The following CDYL2 variants were observed in gnomAD, a reference collection of about 807,000 sequenced individuals.
CDYL2 encodes the protein chromodomain Y-like protein 2.
CDYL2 carries 23 observed loss-of-function variants against 49.4 expected under a neutral mutation model. The observed-to-expected ratio is 0.47, with a 90% confidence interval of 0.34 to 0.66. CDYL2 has a LOEUF of 0.66. Ranked by LOEUF, CDYL2 falls within the 30% of genes least tolerant of loss-of-function variation. The pLI, the probability that CDYL2 is intolerant of heterozygous loss-of-function variation, is 0.01. For missense variants in CDYL2, 678 were observed against 656.4 expected (o/e 1.03, Z -0.36); for synonymous variants, 360 against 268.8 (o/e 1.34, Z -3.32).
chr16:80,637,779 G>A (rs113572897), intron 2 of CDYL2, among the ~76,000 whole-genome samples: 2 of 152,088 alleles, frequency 1.3e-5, no homozygotes, highest in Admixed American at 6.5e-5. Context: ...ACAAACACAA[G>A]ACAAATGTTT....
intron 1 of CDYL2, among the ~76,000 whole-genome samples, chr16:80,792,649 A>G (rs544944813): frequency 6.6e-6 from 1 of 152,272 alleles, no homozygotes; most frequent in African/African-American, 2.4e-5. Flanking sequence ...ACCTACCAGT[A>G]AAGGGCAAGA....
chr16:80,718,619 A>G (rs768105779), intron 1 of CDYL2, among the ~76,000 whole-genome samples: 2 of 152,236 alleles, frequency 1.3e-5, no homozygotes, highest in Admixed American at 6.5e-5. Flanking sequence ...ATTGGCCACT[A>G]TGGAAAAAGA....
intron 1 of CDYL2, among the ~76,000 whole-genome samples, chr16:80,730,630 C>T (rs1164995419): frequency 6.6e-6 from 1 of 152,066 alleles, no homozygotes; most frequent in East Asian, 1.9e-4. Flanking sequence ...GATACCAAAG[C>T]CGGGCAGAGA....
intron 1 of CDYL2, among the ~76,000 whole-genome samples, chr16:80,794,125 T>C (rs1318584872): frequency 6.6e-6 from 1 of 152,204 alleles, no homozygotes; most frequent in Non-Finnish European, 1.5e-5. Context: ...TTGTCCCCAT[T>C]CCTTCTCTCA....
At chr16:80,751,208 A>G (rs1906125074) in intron 1 of CDYL2, among the ~76,000 whole-genome samples, 4 of 152,192 alleles carry the variant, frequency 2.6e-5, no homozygotes, top group Non-Finnish European at 4.4e-5. Context: ...GCCAAAACTG[A>G]GCAACTTTTA....
intron 1 of CDYL2, among the ~76,000 whole-genome samples, chr16:80,693,165 G>C (rs1910485397): frequency 6.6e-6 from 1 of 152,044 alleles, no homozygotes; most frequent in Non-Finnish European, 1.5e-5. Flanking sequence ...GATTGCAAAG[G>C]CCATAAGGAA....
intron 1 of CDYL2, among the ~76,000 whole-genome samples, chr16:80,702,987 A>T (rs1267881174): frequency 6.6e-6 from 1 of 152,234 alleles, no homozygotes; most frequent in Non-Finnish European, 1.5e-5. Context: ...ATATAACTTG[A>T]CATAAAAGTT....
At chr16:80,673,626 A>G (rs1373595586) in intron 2 of CDYL2, among the ~76,000 whole-genome samples, 1 of 152,198 alleles carries the variant, frequency 6.6e-6, no homozygotes, top group East Asian at 1.9e-4. Flanking sequence ...TTTCTTGCCC[A>G]TTCAAGAATA....
At chr16:80,634,928 G>C (rs1189602227) in intron 2 of CDYL2, among the ~76,000 whole-genome samples, 1 of 152,152 alleles carries the variant, frequency 6.6e-6, no homozygotes, top group East Asian at 1.9e-4. Context: ...TTCTCCAAAA[G>C]CTGTTCCAGA....
At chr16:80,715,691 G>A (rs148326454) in intron 1 of CDYL2, among the ~76,000 whole-genome samples, 2 of 152,082 alleles carry the variant, frequency 1.3e-5, no homozygotes, top group East Asian at 1.9e-4. Context: ...TTGCTCAAAT[G>A]AGAACATGTA....
intron 1 of CDYL2, among the ~76,000 whole-genome samples, chr16:80,758,743 C>T (rs969733717): frequency 5.9e-5 from 9 of 151,732 alleles, no homozygotes; most frequent in Non-Finnish European, 1.0e-4. Context: ...AGGGTTTCAC[C>T]GTGTTAGCCA....
At chr16:80,678,078 A>T (rs1267458776) in intron 2 of CDYL2, among the ~76,000 whole-genome samples, 1 of 152,114 alleles carries the variant, frequency 6.6e-6, no homozygotes, top group Non-Finnish European at 1.5e-5. Flanking sequence ...CTGAAACTGG[A>T]TCCCTTCCTT....
chr16:80,622,391 C>A (rs1385002434), intron 3 of CDYL2, among the ~76,000 whole-genome samples: 3 of 152,028 alleles, frequency 2.0e-5, no homozygotes, highest in Non-Finnish European at 4.4e-5. Flanking sequence ...CCTTTTATGA[C>A]CCACCCTATT....
At chr16:80,644,519 G>C (rs1330482009) in intron 2 of CDYL2, among the ~76,000 whole-genome samples, 1 of 152,182 alleles carries the variant, frequency 6.6e-6, no homozygotes, top group Non-Finnish European at 1.5e-5. Flanking sequence ...GGGAACAAAA[G>C]AGGTTTAATT....
Position 80,653,402 on chromosome 16 carries a change from T to C in CDYL2, c.617-20166A>G, listed in dbSNP as rs552181742. On this transcript the variant is annotated intron_variant, in intron 2 of 6. Transcript: ENST00000570137. ...ATCGCTTGAACCCAGGAGGTGGAGG[T>C]TGCAGTAAGCCGAGATCGCACCATT... Among the ~76,000 whole-genome samples, 50 of 152,058 alleles carry C rather than the reference T, an allele frequency of 3.3e-4. 1 individual carries two copies. The highest frequency in any genetic ancestry group is 3.1e-3 in the Admixed American group (48 of 15,292).
At chr16:80,761,274 T>C (rs773267600) in intron 1 of CDYL2, among the ~76,000 whole-genome samples, 2 of 152,234 alleles carry the variant, frequency 1.3e-5, no homozygotes, top group Non-Finnish European at 2.9e-5. Context: ...GGCAGCCATC[T>C]GGGTTCCAAT....
chr16:80,628,630 C>A (rs1415993386), intron 3 of CDYL2, among the ~76,000 whole-genome samples: 1 of 152,100 alleles, frequency 6.6e-6, no homozygotes, highest in South Asian at 2.1e-4. Flanking sequence ...AGACAATAAA[C>A]GTGTGCTGTT....
chr16:80,765,256 G>A (rs1906680722), intron 1 of CDYL2, among the ~76,000 whole-genome samples: 1 of 150,454 alleles, frequency 6.6e-6, no homozygotes, highest in South Asian at 2.1e-4. Flanking sequence ...GAGTATCCAT[G>A]CTTGTCCATA....
intron 3 of CDYL2, among the ~76,000 whole-genome samples, chr16:80,621,543 C>T: frequency 6.6e-6 from 1 of 152,242 alleles, no homozygotes; most frequent in East Asian, 1.9e-4. Context: ...GGTTATTCAT[C>T]CTCAATGTCC....
Sources: allele counts gnomAD v4.1 joint callset (sites outside exome capture counted in the v4.1 genomes callset), GRCh38; gene constraint gnomAD v4.1.1; transcripts MANE v1.5; gene names NCBI Gene and HGNC (gene_info 2026-07-23, HGNC 2026-07-21).